FAM135B: variants seen among roughly 807,000 people sequenced by gnomAD.
The protein encoded by FAM135B is family with sequence similarity 135 member B.
A neutral mutation model predicts 127.7 loss-of-function variants in FAM135B; 43 were observed. The ratio of observed to expected loss-of-function variants is 0.34; its 90% CI spans 0.26 to 0.43. FAM135B has a LOEUF of 0.43. Among genes scored for constraint, FAM135B ranks in the 20% least tolerant of loss-of-function variants. The pLI is 1.00. For synonymous variants in FAM135B, 670 were observed against 665.1 expected, an observed-to-expected ratio of 1.01 and a Z score of -0.11; for missense variants, 1,558 against 1,725.6, an observed-to-expected ratio of 0.90 and a Z score of 1.72.
chr8:138,235,347 A>G (rs1422389572), intron 7 of FAM135B, among the ~76,000 whole-genome samples: 1 of 152,214 alleles, frequency 6.6e-6, no homozygotes, highest in Non-Finnish European at 1.5e-5. Context: ...CCTGAGACAG[A>G]GTTAATGCTT....
At chr8:138,344,562 A>G (rs956341741) in intron 2 of FAM135B, among the ~76,000 whole-genome samples, 2 of 136,322 alleles carry the variant, frequency 1.5e-5, no homozygotes, top group African/African-American at 5.4e-5. Flanking sequence ...GTCTCTTGCT[A>G]CACTTTCTTT....
At chr8:138,454,106 T>C (rs577367439) in intron 1 of FAM135B, among the ~76,000 whole-genome samples, 2 of 151,836 alleles carry the variant, frequency 1.3e-5, no homozygotes, top group African/African-American at 4.8e-5. Flanking sequence ...ATAAGGCAGG[T>C]AAAAATGAAG....
chr8:138,306,434 C>CGAAAAAAAAA (rs1826263401), intron 3 of FAM135B, among the ~76,000 whole-genome samples: 2 of 141,708 alleles, frequency 1.4e-5, no homozygotes, highest in African/African-American at 5.3e-5. Context: ...GACTCCGTCT[C>CGAAAAAAAAA]GAAAAAAAAA....
At chr8:138,324,956 A>G (rs1261317039) in intron 2 of FAM135B, among the ~76,000 whole-genome samples, 1 of 152,212 alleles carries the variant, frequency 6.6e-6, no homozygotes, top group Non-Finnish European at 1.5e-5. Context: ...ATCATTTTAC[A>G]TAAAAGAAAA....
At chr8:138,366,755 T>C (rs753015300) in intron 2 of FAM135B, among the ~76,000 whole-genome samples, 7 of 152,318 alleles carry the variant, frequency 4.6e-5, no homozygotes, top group Non-Finnish European at 1.0e-4. Context: ...GGTAGATTAT[T>C]AAAATGTACA....
chr8:138,223,237 G>A (rs182482229), intron 7 of FAM135B, among the ~76,000 whole-genome samples: 1 of 152,266 alleles, frequency 6.6e-6, no homozygotes. Context: ...ATTCCACCAG[G>A]GCCCATTTAT....
At chr8:138,212,351 A>G (rs1818209469) in intron 7 of FAM135B, among the ~76,000 whole-genome samples, 2 of 152,186 alleles carry the variant, frequency 1.3e-5, no homozygotes, top group South Asian at 2.1e-4. Context: ...TGGCCATCAC[A>G]CTGGCAACCG....
intron 17 of FAM135B, among the ~76,000 whole-genome samples, chr8:138,140,920 C>T (rs779365792): frequency 2.0e-5 from 3 of 152,064 alleles, no homozygotes; most frequent in Non-Finnish European, 2.9e-5. Flanking sequence ...ATCACAACAC[C>T]GTGTCTTGTC....
Position 138,163,757 on chromosome 8 carries a change from T to G in FAM135B, c.1258+4138A>C, listed in dbSNP as rs141213745. ...TGTCTTTATCAACAGCATGAGAACA[T>G]ACTAATACACCATGAACAAATGCTA... On this transcript the variant is annotated intron_variant, in intron 12 of 19. Coordinates refer to ENST00000395297, the MANE Select transcript of FAM135B (RefSeq NM_015912.4). 1.6e-4 allele frequency among the ~76,000 whole-genome samples: 24 copies of G among 152,282 alleles called. No individual in the cohort carries two copies. The South Asian group carries it at 2.1e-3, about 13-fold the overall frequency.
intron 3 of FAM135B, among the ~76,000 whole-genome samples, chr8:138,286,139 T>C (rs1002060518): frequency 6.6e-6 from 1 of 152,146 alleles, no homozygotes; most frequent in Non-Finnish European, 1.5e-5. Flanking sequence ...GAAGAAAATA[T>C]AGAACACTTA....
intron 1 of FAM135B, among the ~76,000 whole-genome samples, chr8:138,430,587 T>C (rs1437767116): frequency 6.6e-6 from 1 of 152,096 alleles, no homozygotes; most frequent in Non-Finnish European, 1.5e-5. Flanking sequence ...CGGTGGAAGT[T>C]GTGAATCTCC....
intron 2 of FAM135B, among the ~76,000 whole-genome samples, chr8:138,336,601 T>G (rs972657305): frequency 1.3e-5 from 2 of 152,102 alleles, no homozygotes; most frequent in Non-Finnish European, 2.9e-5. Flanking sequence ...GCTCTCAAAT[T>G]GAGGCAATAA....
At chr8:138,262,547 G>A (rs76204339) in intron 4 of FAM135B, among the ~76,000 whole-genome samples, 8 of 152,128 alleles carry the variant, frequency 5.3e-5, no homozygotes, top group Non-Finnish European at 5.9e-5. Context: ...CACTCAACAT[G>A]AGGACTCCAG....
At chr8:138,268,072 A>G (rs1823084452) in intron 3 of FAM135B, among the ~76,000 whole-genome samples, 1 of 152,240 alleles carries the variant, frequency 6.6e-6, no homozygotes, top group Non-Finnish European at 1.5e-5. Context: ...AGCCAGCAAA[A>G]CAGTTCAATC....
At chr8:138,312,343 A>C (rs551596109) in intron 2 of FAM135B, among the ~76,000 whole-genome samples, 1 of 152,266 alleles carries the variant, frequency 6.6e-6, no homozygotes, top group African/African-American at 2.4e-5. Flanking sequence ...AAGCACAACA[A>C]AAGCTCTAAC....
chr8:138,253,766 C>A (rs1161321941), intron 5 of FAM135B, among the ~76,000 whole-genome samples: 1 of 152,174 alleles, frequency 6.6e-6, no homozygotes, highest in African/African-American at 2.4e-5. Context: ...ATATGAGAGG[C>A]TCTGCTTCTC....
chr8:138,301,043 C>T (rs1193210598), intron 3 of FAM135B, among the ~76,000 whole-genome samples: 3 of 152,036 alleles, frequency 2.0e-5, no homozygotes, highest in Admixed American at 2.0e-4. Flanking sequence ...GCCACTGCAC[C>T]CGGCCTTATT....
At position 138,492,125 on chromosome 8, in the gene FAM135B, T is replaced by C. The variant is rs115882806; in HGVS notation, c.-20+4546A>G. On this transcript the variant is annotated intron_variant, in intron 1 of 19. Coordinates refer to ENST00000395297, the MANE Select transcript of FAM135B (RefSeq NM_015912.4). ...TGGCTGCCTTGTGCACAGTAGACACTGGGAAGCAGAATAGAGGCAGGGACA... is the reference window on the plus strand; with the variant it reads ...TGGCTGCCTTGTGCACAGTAGACACCGGGAAGCAGAATAGAGGCAGGGACA... 6.4e-3 allele frequency among the ~76,000 whole-genome samples: 972 copies of C among 152,230 alleles called. 13 individuals are homozygous for C. Among genetic ancestry groups the C allele is most frequent in the African/African-American group, 0.021 (879 of 41,522 alleles).
At chr8:138,185,962 C>A (rs543806790) in intron 9 of FAM135B, among the ~76,000 whole-genome samples, 10 of 152,300 alleles carry the variant, frequency 6.6e-5, no homozygotes, top group African/African-American at 1.9e-4. Flanking sequence ...CCCACCTGAG[C>A]TCCACCTAGG....
Sources: allele counts gnomAD v4.1 joint callset (sites outside exome capture counted in the v4.1 genomes callset), GRCh38; gene constraint gnomAD v4.1.1; transcripts MANE v1.5; gene names NCBI Gene and HGNC (gene_info 2026-07-23, HGNC 2026-07-21).